PLK4: variants seen among roughly 807,000 people sequenced by gnomAD.
The protein encoded by PLK4 is serine/threonine-protein kinase PLK4.
PLK4 carries 51 observed loss-of-function variants against 103.0 expected under a neutral mutation model. The ratio of observed to expected loss-of-function variants is 0.50; its 90% CI spans 0.40 to 0.63. The LOEUF (loss-of-function observed/expected upper bound fraction) is 0.63. Ranked by LOEUF, PLK4 falls within the 20% of genes least tolerant of loss-of-function variation. The pLI is 0.00. For missense variants in PLK4, 1,054 were observed against 1,151.0 expected, an observed-to-expected ratio of 0.92 and a Z score of 1.22; for synonymous variants, 389 against 376.8, an observed-to-expected ratio of 1.03 and a Z score of -0.38.
chr4:127,893,905 G>A (rs944289451), intron 13 of PLK4, 24 bp downstream of exon 13: 1 of 1,241,656 alleles, frequency 8.1e-7, no homozygotes, highest in Admixed American at 1.7e-5. Flanking sequence ...TGTCACTTCT[G>A]TACTTTAAAC....
chr4:127,897,222 A>AT (rs1451376973), intron 15 of PLK4, among the ~76,000 whole-genome samples: 1 of 152,212 alleles, frequency 6.6e-6, no homozygotes, highest in African/African-American at 2.4e-5. Context: ...TTCAAATAAT[A>AT]TACCAAACCT....
chr4:127,892,671 TATTA>T (rs1274377520), intron 10 of PLK4, 157 bp downstream of exon 10: 1 of 533,808 alleles, frequency 1.9e-6, no homozygotes, highest in East Asian at 3.6e-5. Context: ...TGTCAAATCA[TATTA>T]ATCAAAATTT....
chr4:127,885,723 A>T lies in PLK4; in HGVS notation c.353A>T (p.His118Leu), dbSNP rs1369288321. 1 of 1,610,408 alleles carries T rather than the reference A, an allele frequency of 6.2e-7. No individual in the cohort carries two copies. The highest frequency in any genetic ancestry group is 8.5e-7 in the Non-Finnish European group (1 of 1,178,188). Residue 118 changes from histidine (H) to leucine (L), a missense_variant, in exon 5 of 16, where the codon CAC (histidine) becomes CTC (leucine). Transcript: ENST00000270861. The part of the protein sequence containing the change: ...FSENEARHFM[H>L]QIITGMLYLH... The stretch of plus-strand genomic sequence containing the variant: ...ATCCTAACAGCTCGACACTTCATGC[A>T]CCAGATCATCACAGGGATGTTGTAT...
intron 6 of PLK4, 78 bp from the exon 7 acceptor site, chr4:127,889,788 C>T (rs2148820403): frequency 9.7e-7 from 1 of 1,034,108 alleles, no homozygotes; most frequent in South Asian, 1.8e-5. Flanking sequence ...AATGCTATTA[C>T]AATCAGAGTG....
At chr4:127,882,262 C>T (rs1734960065) in intron 2 of PLK4, among the ~76,000 whole-genome samples, 1 of 152,104 alleles carries the variant, frequency 6.6e-6, no homozygotes, top group Non-Finnish European at 1.5e-5. Flanking sequence ...CTGTAACATA[C>T]AAAATATTAT....
rs61735391 is a variant in PLK4, at chr4:127,886,150, G to A, written c.780G>A (p.Leu260=). The A allele has an allele frequency of 8.9e-5, 143 of 1,613,942 alleles. No homozygotes were observed. The African/African-American group carries it at 1.6e-3, about 18-fold the overall frequency. Residue 260 remains leucine, a synonymous_variant, in exon 5 of 16, where the codon TTG becomes TTA. Transcript: ENST00000270861. ...ATCGTTTAAGTCTGTCTTCAGTATT[G>A]GACCATCCTTTTATGTCCCGAAATT... The part of the protein sequence containing the change: ...PADRLSLSSV[L]DHPFMSRNSS...
intron 8 of PLK4, 145 bp downstream of exon 8, chr4:127,891,341 A>T (rs773935202): frequency 2.4e-5 from 11 of 468,026 alleles, no homozygotes; most frequent in Non-Finnish European, 3.8e-5. Context: ...AAATTGAAAT[A>T]GCATATTAAA....
At position 127,881,915 on chromosome 4, in the gene PLK4, G is replaced by A; in HGVS notation, c.115G>A (p.Ala39Thr). Residue 39 changes from alanine to threonine, a missense_variant, in exon 2 of 16, where the codon GCA becomes ACA. By Grantham distance (58) the Ala-to-Thr change is moderately conservative (BLOSUM62 0). Transcript: ENST00000270861. Reference sequence around the variant, plus strand: ...GTCCATTCACACTGGTTTGGAAGTTGCAATCAAAATGGTAAGAATAAACTA... The same window carrying A: ...GTCCATTCACACTGGTTTGGAAGTTACAATCAAAATGGTAAGAATAAACTA... ...AESIHTGLEV[A>T]IKMIDKKAMY... 6.3e-7 allele frequency: 1 copy of A among 1,578,040 alleles called. No homozygotes were observed. Among genetic ancestry groups the A allele is most frequent in the Non-Finnish European group, 8.7e-7 (1 of 1,147,068 alleles).
At chr4:127,884,212 C>T (rs147158622) in intron 4 of PLK4, among the ~76,000 whole-genome samples, 10 of 152,226 alleles carry the variant, frequency 6.6e-5, no homozygotes, top group African/African-American at 2.4e-4. Context: ...CAAAGCAGAA[C>T]CAAATAAGGT....
At chr4:127,897,824 C>CTTTTGTTTTTTTTTTTTT (rs1735626971) in intron 15 of PLK4, among the ~76,000 whole-genome samples, 1 of 28,802 alleles carries the variant, frequency 3.5e-5, no homozygotes, top group Non-Finnish European at 6.4e-5. Flanking sequence ...AGAATTAGGG[C>CTTTTGTTTTTTTTTTTTT]TTTTTTTTTT....
rs2148821918 is a variant in PLK4 at position 127,891,661 on chromosome 4, A to G, written c.2018A>G (p.Tyr673Cys). ...PPSPTDNISR[Y>C]SFDNLPEKYW... ...TCACCTACTGACAACATCAGTAGGT[A>G]CAGCTTTGACAATTTACCAGGTATG... is the stretch of plus-strand genomic sequence containing the variant. The change falls in exon 9 of 16, where the codon TAC becomes TGC. Residue 673 changes from tyrosine to cysteine, a missense_variant. Transcript: ENST00000270861. The G allele has an allele frequency of 6.8e-7, 1 of 1,468,386 alleles. No homozygotes were observed. The highest frequency in any genetic ancestry group is 1.8e-4 in the Middle Eastern group (1 of 5,492). The allele number at this position is 1,468,386 out of a possible 1,614,324, so 91.0% of individuals were successfully genotyped here.
At chr4:127,890,981 A>G in intron 7 of PLK4, 111 bp from the exon 8 acceptor site, 1 of 575,210 alleles carries the variant, frequency 1.7e-6, no homozygotes, top group Non-Finnish European at 3.0e-6. Context: ...TTTGATTTTG[A>G]CTTCAATATT....
chr4:127,885,851 C>G lies in PLK4; in HGVS notation c.481C>G (p.Leu161Val), dbSNP rs375615067. Residue 161 changes from leucine (L) to valine (V), a missense_variant, in exon 5 of 16, where the codon CTG becomes GTG. Coordinates refer to ENST00000270861, the MANE Select transcript of PLK4 (RefSeq NM_014264.5). Reference sequence around the variant, plus strand: ...TGCTGATTTTGGGCTGGCAACTCAACTGAAAATGCCACATGAAAAGCACTA... The same window carrying G: ...TGCTGATTTTGGGCTGGCAACTCAAGTGAAAATGCCACATGAAAAGCACTA... ...KIADFGLATQ[L>V]KMPHEKHYTL... The G allele has an allele frequency of 6.2e-7, 1 of 1,614,068 alleles. No individual in the cohort carries two copies. Among genetic ancestry groups the G allele is most frequent in the South Asian group, 1.1e-5 (1 of 91,068 alleles).
In PLK4 at chr4:127,898,763, T is replaced by C; in HGVS notation, c.*222T>C. 1 of 397,052 alleles carries C rather than the reference T, an allele frequency of 2.5e-6. No individual in the cohort carries two copies. The highest frequency in any genetic ancestry group is 4.1e-5 in the East Asian group (1 of 24,344). 24.6% of individuals were successfully genotyped at this position (397,052 alleles called of 1,614,324 possible). A position where few individuals can be genotyped will look rare whatever the true frequency, so the allele number is the denominator to read the frequency against. On this transcript the variant is annotated 3_prime_UTR_variant, in exon 16 of 16. Coordinates refer to ENST00000270861, the MANE Select transcript of PLK4 (RefSeq NM_014264.5). ...AAAATAGAACACCTGACTTTGCTCT[T>C]AGACCATAACCCCCGAACTTACTAT...
chr4:127,881,918 A>G lies in PLK4; in HGVS notation c.118A>G (p.Ile40Val). Residue 40 changes from isoleucine (I) to valine (V), a missense_variant, in exon 2 of 16, where the codon ATC (isoleucine) becomes GTC (valine). By Grantham distance (29) the Ile-to-Val change is conservative. Coordinates refer to ENST00000270861, the MANE Select transcript of PLK4 (RefSeq NM_014264.5). ...ESIHTGLEVA[I>V]KMIDKKAMYK... is the part of the protein sequence containing the mutation. ...CATTCACACTGGTTTGGAAGTTGCA[A>G]TCAAAATGGTAAGAATAAACTAATC... 2 of 1,563,948 alleles carry G rather than the reference A, an allele frequency of 1.3e-6. No individual in the cohort carries two copies. The highest frequency in any genetic ancestry group is 1.8e-6 in the Non-Finnish European group (2 of 1,134,196).
intron 1 of PLK4, 115 bp downstream of exon 1, chr4:127,881,279 T>G (rs1578748244): frequency 6.4e-7 from 1 of 1,569,686 alleles, no homozygotes; most frequent in Non-Finnish European, 8.6e-7. Context: ...GGCACCGAGG[T>G]GCTTAGGGAG....
At position 127,890,071 on chromosome 4, in the gene PLK4, A is replaced by T; in HGVS notation, c.1665A>T (p.Ile555=). 2 of 1,614,050 alleles carry T rather than the reference A, an allele frequency of 1.2e-6. No individual in the cohort carries two copies. The highest frequency in any genetic ancestry group is 2.2e-5 in the South Asian group (2 of 91,084). ...CTGCACTTCACAGTAAACCTGAGAT[A>T]ATCCAACAAGAATGTGTTTTTGGCT... is the stretch of plus-strand genomic sequence containing the variant. ...YMTALHSKPE[I]IQQECVFGSD... The change falls in exon 7 of 16, where the codon ATA becomes ATT. Residue 555 remains isoleucine (I), a synonymous_variant. Coordinates refer to ENST00000270861, the MANE Select transcript of PLK4 (RefSeq NM_014264.5).
intron 4 of PLK4, 26 bp from the exon 5 acceptor site, chr4:127,885,682 A>T (rs1735094071): frequency 6.4e-7 from 1 of 1,553,474 alleles, no homozygotes; most frequent in African/African-American, 1.4e-5. Context: ...CTAAATTGTA[A>T]ATTCTCTTTT....
chr4:127,889,812 TCGA>T (rs1421463008), intron 6 of PLK4, 51 bp from the exon 7 acceptor site: 2 of 1,301,552 alleles, frequency 1.5e-6, no homozygotes, highest in Non-Finnish European at 2.1e-6. Flanking sequence ...TTATTTTGTG[TCGA>T]CTTGTGTTTT....
Sources: allele counts gnomAD v4.1 joint callset (sites outside exome capture counted in the v4.1 genomes callset), GRCh38; gene constraint gnomAD v4.1.1; transcripts MANE v1.5; gene names NCBI Gene and HGNC (gene_info 2026-07-23, HGNC 2026-07-21).